Variants in DLGAP2 observed in about 807,000 individuals in gnomAD.
DLGAP2 encodes disks large-associated protein 2.
Under a neutral mutation model 100.3 loss-of-function variants are expected in DLGAP2, and 26 were observed. The ratio of observed to expected loss-of-function variants is 0.26; its 90% CI spans 0.19 to 0.36. The LOEUF (loss-of-function observed/expected upper bound fraction) is 0.36. Ranked by LOEUF, DLGAP2 falls within the 10% of genes least tolerant of loss-of-function variation. The pLI is 1.00. For synonymous variants in DLGAP2, 886 were observed against 630.1 expected (o/e 1.41, Z -6.08); for missense variants, 1,858 against 1,453.2 (o/e 1.28, Z -4.53).
At chr8:1,069,013 C>G (rs1803345750) in intron 2 of DLGAP2, among the ~76,000 whole-genome samples, 1 of 152,132 alleles carries the variant, frequency 6.6e-6, no homozygotes. Context: ...CTAATGGAAA[C>G]CCAGTCTGGG....
At chr8:825,610 C>G (rs1796672858) in intron 1 of DLGAP2, among the ~76,000 whole-genome samples, 1 of 152,152 alleles carries the variant, frequency 6.6e-6, no homozygotes, top group African/African-American at 2.4e-5. Context: ...GGTCTTCTCG[C>G]TGTTCTTCCT....
At chr8:1,459,501 G>T (rs777779736) in intron 3 of DLGAP2, among the ~76,000 whole-genome samples, 21 of 152,146 alleles carry the variant, frequency 1.4e-4, no homozygotes, top group Admixed American at 6.5e-5. Flanking sequence ...GTTTGTCACT[G>T]TCAGGAAAAC....
rs971425458 is a variant in DLGAP2 at position 1,648,081 on chromosome 8, G to A, written c.1810+15035G>A. ...GCCAGATGAGTTTAAATTAACCCGTGCGTGTACCGTGCCACACCAGGCTCA... is the reference window on the plus strand; with the variant it reads ...GCCAGATGAGTTTAAATTAACCCGTACGTGTACCGTGCCACACCAGGCTCA... On this transcript the variant is annotated intron_variant, in intron 8 of 14. Coordinates refer to ENST00000637795, the MANE Select transcript of DLGAP2 (RefSeq NM_001346810.2). 2.6e-5 allele frequency among the ~76,000 whole-genome samples: 4 copies of A among 152,286 alleles called. No individual in the cohort carries two copies. The South Asian group carries it at 8.3e-4, about 32-fold the overall frequency.
intron 3 of DLGAP2, among the ~76,000 whole-genome samples, chr8:1,325,666 G>A (rs1194715073): frequency 6.6e-6 from 1 of 152,208 alleles, no homozygotes. Flanking sequence ...GCAGTGATTG[G>A]CGGGGTTCTC....
At chr8:939,940 G>T (rs1306232186) in intron 2 of DLGAP2, among the ~76,000 whole-genome samples, 1 of 151,910 alleles carries the variant, frequency 6.6e-6, no homozygotes. Flanking sequence ...CCTTCCCAGG[G>T]TGAACACGTA....
intron 9 of DLGAP2, among the ~76,000 whole-genome samples, chr8:1,668,882 C>A (rs561193042): frequency 6.6e-6 from 1 of 152,204 alleles, no homozygotes; most frequent in African/African-American, 2.4e-5. Context: ...CGAGGTGATG[C>A]GGACCCCAGT....
At chr8:1,665,923 C>G (rs1250442565) in intron 8 of DLGAP2, among the ~76,000 whole-genome samples, 1 of 152,264 alleles carries the variant, frequency 6.6e-6, no homozygotes, top group African/African-American at 2.4e-5. Context: ...CGCGGGCTCT[C>G]TGACCATGTG....
chr8:1,564,150 A>G (rs1802299790), intron 5 of DLGAP2, among the ~76,000 whole-genome samples: 1 of 152,140 alleles, frequency 6.6e-6, no homozygotes, highest in African/African-American at 2.4e-5. Flanking sequence ...TTGCCTTTGT[A>G]AACGTGAGTT....
At chr8:1,479,636 C>T (rs1457626907) in intron 3 of DLGAP2, among the ~76,000 whole-genome samples, 1 of 152,080 alleles carries the variant, frequency 6.6e-6, no homozygotes, top group Non-Finnish European at 1.5e-5. Flanking sequence ...TCTTTCATTT[C>T]GGTGAGTCAT....
At chr8:1,496,236 C>T (rs1799541926) in intron 3 of DLGAP2, among the ~76,000 whole-genome samples, 2 of 152,064 alleles carry the variant, frequency 1.3e-5, no homozygotes, top group Admixed American at 1.3e-4. Flanking sequence ...CAGGAGAGCC[C>T]TGTTGCAGGT....
intron 6 of DLGAP2, among the ~76,000 whole-genome samples, chr8:1,584,680 C>T (rs1252747401): frequency 6.6e-6 from 1 of 152,114 alleles, no homozygotes. Context: ...GAGGTGAGGA[C>T]CTGGGGATTC....
intron 4 of DLGAP2, among the ~76,000 whole-genome samples, chr8:1,518,436 C>T (rs1404797014): frequency 1.3e-5 from 2 of 152,162 alleles, no homozygotes. Flanking sequence ...AAGCAAGTCA[C>T]TTCATGTATG....
At chr8:914,087 T>C (rs1016543401) in intron 2 of DLGAP2, among the ~76,000 whole-genome samples, 3 of 152,270 alleles carry the variant, frequency 2.0e-5, no homozygotes, top group African/African-American at 7.2e-5. Context: ...TCAAGTAAAT[T>C]TCTTTTTACC....
intron 2 of DLGAP2, chr8:926,913 G>C: frequency 1.7e-6 from 1 of 596,150 alleles, no homozygotes; most frequent in Non-Finnish European, 2.1e-6. Flanking sequence ...AGGCGTTCCA[G>C]GTGTTCCCTG....
intron 2 of DLGAP2, among the ~76,000 whole-genome samples, chr8:1,108,093 G>T (rs1563196355): frequency 6.6e-6 from 1 of 152,184 alleles, no homozygotes; most frequent in Non-Finnish European, 1.5e-5. Flanking sequence ...ATTTCAGCTT[G>T]TTTTTCCAAC....
At chr8:1,148,553 G>T (rs1320372336) in intron 2 of DLGAP2, among the ~76,000 whole-genome samples, 1 of 87,388 alleles carries the variant, frequency 1.1e-5, no homozygotes, top group East Asian at 2.8e-4. Flanking sequence ...TCTAATATAT[G>T]AACTTAATAC....
intron 1 of DLGAP2, among the ~76,000 whole-genome samples, chr8:887,982 T>G (rs1048608192): frequency 6.6e-6 from 1 of 152,210 alleles, no homozygotes; most frequent in African/African-American, 2.4e-5. Flanking sequence ...TCCAGCTTGT[T>G]TCCATTCTTC....
intron 3 of DLGAP2, among the ~76,000 whole-genome samples, chr8:1,311,058 G>A (rs1440100771): frequency 3.3e-5 from 5 of 150,064 alleles, no homozygotes; most frequent in Admixed American, 1.3e-4. Flanking sequence ...AAAAAAAAAA[G>A]AGAACACATA....
chr8:1,438,400 G>C lies in DLGAP2; in HGVS notation c.107-62966G>C, dbSNP rs1315652950. On this transcript the variant is annotated intron_variant, in intron 3 of 14. Transcript: ENST00000637795. ...ATTCGCTGCTTAGGAGGCCATTTTA[G>C]TGCGTTGCTAAGGGAGTTTTTCCAA... Among the ~76,000 whole-genome samples the C allele has an allele frequency of 3.9e-5, 6 of 152,236 alleles. No homozygotes were observed. In the South Asian group the frequency reaches 1.2e-3, roughly 32 times the overall value.
Sources: allele counts gnomAD v4.1 joint callset (sites outside exome capture counted in the v4.1 genomes callset), GRCh38; gene constraint gnomAD v4.1.1; transcripts MANE v1.5; gene names NCBI Gene and HGNC (gene_info 2026-07-23, HGNC 2026-07-21).